The following UCMA variants were observed in gnomAD, a reference collection of about 807,000 sequenced individuals.
UCMA encodes upper zone of growth plate and cartilage matrix associated, also known as upper zone of growth plate and cartilage matrix-associated protein.
In UCMA, 21 loss-of-function variants were observed where a neutral mutation model predicts 21.8. That is an observed-to-expected ratio of 0.97 (90% CI 0.68 to 1.39). The LOEUF is 1.39. Among genes scored for constraint, UCMA ranks in the 40% most tolerant of loss-of-function variants. UCMA has a pLI of 0.00. For missense variants in UCMA, 193 were observed against 178.9 expected, an observed-to-expected ratio of 1.08 and a Z score of -0.45; for synonymous variants, 76 against 67.9, an observed-to-expected ratio of 1.12 and a Z score of -0.58.
intron 4 of UCMA, among the ~76,000 whole-genome samples, chr10:13,226,156 C>T (rs146118069): frequency 5.9e-4 from 89 of 151,848 alleles, no homozygotes; most frequent in Non-Finnish European, 9.7e-4. Context: ...CTTGAGTATA[C>T]ATGTATCCTT....
In UCMA at chr10:13,233,917, G is replaced by A. The variant is rs934133989; in HGVS notation, c.59-117C>T. On this transcript the variant is annotated intron_variant, in intron 1 of 4. Coordinates refer to ENST00000378681, the MANE Select transcript of UCMA (RefSeq NM_145314.3). ...CCTGCCAGGGCCTGGCAGGGGGCCC[G>A]TGGTTTCTCACGTACCAGCTGCAGA... 43 of 1,330,570 alleles carry A rather than the reference G, an allele frequency of 3.2e-5. No homozygotes were observed. In the East Asian group the frequency reaches 6.6e-4, roughly 20 times the overall value. 82.4% of individuals were successfully genotyped at this position (1,330,570 alleles called of 1,614,324 possible). A position where few individuals can be genotyped will look rare whatever the true frequency, so the allele number is the denominator to read the frequency against.
chr10:13,230,350 C>G (rs1834882357), intron 3 of UCMA, among the ~76,000 whole-genome samples: 1 of 152,070 alleles, frequency 6.6e-6, no homozygotes, highest in Admixed American at 6.6e-5. Context: ...CTTAAGAGAC[C>G]TATAATTCAA....
intron 3 of UCMA, among the ~76,000 whole-genome samples, chr10:13,230,181 G>A (rs1020740325): frequency 6.6e-5 from 10 of 152,162 alleles, no homozygotes; most frequent in East Asian, 3.9e-4. Flanking sequence ...GGTGGCTCAC[G>A]CCTGTGAGCT....
At chr10:13,232,308 G>A (rs889057808) in intron 3 of UCMA, among the ~76,000 whole-genome samples, 1 of 146,868 alleles carries the variant, frequency 6.8e-6, no homozygotes, top group East Asian at 2.0e-4. Context: ...GGAGGTGGAG[G>A]TTGCAATGAG....
At chr10:13,225,412 C>T (rs1286732957) in intron 4 of UCMA, among the ~76,000 whole-genome samples, 2 of 151,974 alleles carry the variant, frequency 1.3e-5, no homozygotes, top group East Asian at 1.9e-4. Context: ...CGGGGGCTCA[C>T]GCCTGTAATC....
chr10:13,227,458 C>A (rs932620491), intron 4 of UCMA, among the ~76,000 whole-genome samples: 4 of 152,280 alleles, frequency 2.6e-5, no homozygotes, highest in African/African-American at 7.2e-5. Flanking sequence ...TGGCCCACGC[C>A]TATAATCCCA....
Position 13,229,596 on chromosome 10 carries a change from C to T in UCMA, c.319+15G>A, listed in dbSNP as rs1309354754. The T allele has an allele frequency of 7.4e-6, 12 of 1,611,174 alleles. No homozygotes were observed. The highest frequency in any genetic ancestry group is 1.0e-5 in the Non-Finnish European group (12 of 1,177,818). On this transcript the variant is annotated intron_variant, in intron 4 of 4. Transcript: ENST00000378681. ...CGCTCCACCTCCCTGAAGACACTGGCTGAAGAGCTCTTACCATCGTTTTGT... is the reference window on the plus strand; with the variant it reads ...CGCTCCACCTCCCTGAAGACACTGGTTGAAGAGCTCTTACCATCGTTTTGT...
intron 1 of UCMA, 116 bp from the exon 2 acceptor site, chr10:13,233,916 C>G: frequency 7.5e-7 from 1 of 1,333,488 alleles, no homozygotes; most frequent in Non-Finnish European, 1.0e-6. Flanking sequence ...GCAGGGGGCC[C>G]GTGGTTTCTC....
intron 4 of UCMA, among the ~76,000 whole-genome samples, chr10:13,225,246 A>T (rs116246725): frequency 6.6e-6 from 1 of 152,154 alleles, no homozygotes; most frequent in South Asian, 2.1e-4. Flanking sequence ...AGGTCTCGTT[A>T]TGTTGCCAGG....
intron 1 of UCMA, 57 bp from the exon 2 acceptor site, chr10:13,233,857 A>G: frequency 6.3e-7 from 1 of 1,599,006 alleles, no homozygotes; most frequent in Non-Finnish European, 8.5e-7. Context: ...CCAGACCCTG[A>G]GCTGAGTCCC....
chr10:13,225,787 G>A (rs1342322154), intron 4 of UCMA, among the ~76,000 whole-genome samples: 5 of 151,890 alleles, frequency 3.3e-5, no homozygotes, highest in South Asian at 2.1e-4. Flanking sequence ...GAAGTCAGAC[G>A]CCTTGAGCAC....
At chr10:13,232,269 G>A (rs1834908633) in intron 3 of UCMA, among the ~76,000 whole-genome samples, 1 of 151,364 alleles carries the variant, frequency 6.6e-6, no homozygotes. Flanking sequence ...CTACTTGGGA[G>A]GCTGAAGCAG....
chr10:13,229,509 AAAAG>A, intron 4 of UCMA, 98 bp downstream of exon 4: 17 of 1,126,298 alleles, frequency 1.5e-5, no homozygotes, highest in Non-Finnish European at 2.0e-5. Context: ...TCGTCTCAAA[AAAAG>A]AAAAAAAAAA....
At chr10:13,226,711 C>A (rs1012538004) in intron 4 of UCMA, among the ~76,000 whole-genome samples, 1 of 152,090 alleles carries the variant, frequency 6.6e-6, no homozygotes, top group Non-Finnish European at 1.5e-5. Flanking sequence ...ACTTACAGTG[C>A]CTGGCAGAGC....
rs567455484 is a variant in UCMA at position 13,221,887 on chromosome 10, A to C, written c.*216T>G. 1.7e-6 allele frequency: 1 copy of C among 572,972 alleles called. No homozygotes were observed. Among genetic ancestry groups the C allele is most frequent in the East Asian group, 3.0e-5 (1 of 33,844 alleles). The allele number at this position is 572,972 out of a possible 1,614,324, so 35.5% of individuals were successfully genotyped here. A position where few individuals can be genotyped will look rare whatever the true frequency, so the allele number is the denominator to read the frequency against. On this transcript the variant is annotated 3_prime_UTR_variant, in exon 5 of 5. Transcript: ENST00000378681. The stretch of plus-strand genomic sequence containing the variant: ...TTTGGTACTAGGAGGCCCTGCAGGC[A>C]GTTGCTCACCTCAGAAGATGGTCTG...
intron 4 of UCMA, among the ~76,000 whole-genome samples, chr10:13,222,691 CTTGTT>C (rs771929546): frequency 1.2e-4 from 18 of 149,930 alleles, no homozygotes; most frequent in South Asian, 2.1e-4. Context: ...TTCTTTCTTT[CTTGTT>C]TTGTTTTGTT....
At chr10:13,224,386 A>T (rs1057356225) in intron 4 of UCMA, among the ~76,000 whole-genome samples, 2 of 149,532 alleles carry the variant, frequency 1.3e-5, no homozygotes, top group African/African-American at 4.9e-5. Context: ...AAGAAAGAGA[A>T]GAAAGAAAGA....
At chr10:13,232,846 G>A (rs1281133347) in intron 3 of UCMA, among the ~76,000 whole-genome samples, 1 of 152,084 alleles carries the variant, frequency 6.6e-6, no homozygotes, top group African/African-American at 2.4e-5. Context: ...GGGTTGGCAG[G>A]TGAAGGGCAT....
chr10:13,229,908 C>T (rs1834876937), intron 3 of UCMA, among the ~76,000 whole-genome samples, 199 bp from the exon 4 acceptor site: 1 of 152,124 alleles, frequency 6.6e-6, no homozygotes, highest in Admixed American at 6.6e-5. Context: ...TCTGATCCAG[C>T]TGCCTCATTT....
Sources: allele counts gnomAD v4.1 joint callset (sites outside exome capture counted in the v4.1 genomes callset), GRCh38; gene constraint gnomAD v4.1.1; transcripts MANE v1.5; gene names NCBI Gene and HGNC (gene_info 2026-07-23, HGNC 2026-07-21).